Variants in PARD3B observed in about 807,000 individuals in gnomAD.
PARD3B encodes the protein par-3 family cell polarity regulator beta, also known as partitioning defective 3 homolog B.
Under a neutral mutation model 130.2 loss-of-function variants are expected in PARD3B, and 103 were observed. That is an observed-to-expected ratio of 0.79 (90% confidence interval 0.67 to 0.93). PARD3B has a LOEUF of 0.93. Ranked by LOEUF, PARD3B falls within the 40% of genes least tolerant of loss-of-function variation. PARD3B has a pLI of 0.00. For missense variants in PARD3B, 1,609 were observed against 1,499.2 expected, an observed-to-expected ratio of 1.07 and a Z score of -1.21; for synonymous variants, 583 against 553.2, an observed-to-expected ratio of 1.05 and a Z score of -0.76.
In PARD3B at chr2:205,121,847, G is replaced by A. The variant is rs1220212178; in HGVS notation, c.1063G>A (p.Val355Ile). 1.2e-6 allele frequency: 2 copies of A among 1,614,114 alleles called. No homozygotes were observed. The highest frequency in any genetic ancestry group is 1.3e-5 in the African/African-American group (1 of 75,024). Residue 355 changes from valine to isoleucine, a missense_variant, in exon 8 of 23, where the codon GTA becomes ATA. By Grantham distance (29) the Val-to-Ile change is conservative. Transcript: ENST00000406610. This position sits in a 1 kb window ranked among gnomAD's most constrained non-coding sequence, Gnocchi z 5.0. ...CCTGCAACAAAACAAGAGTCCCCGAGTACCAAGGCTGGGAGGAAAACCATC... is the reference window on the plus strand; with the variant it reads ...CCTGCAACAAAACAAGAGTCCCCGAATACCAAGGCTGGGAGGAAAACCATC... ...ASLQQNKSPR[V>I]PRLGGKPSSP...
At chr2:205,427,793 G>T (rs1193085427) in intron 19 of PARD3B, among the ~76,000 whole-genome samples, 1 of 152,090 alleles carries the variant, frequency 6.6e-6, no homozygotes. Flanking sequence ...GAAACAAATT[G>T]GTTGCATAGC....
At chr2:205,099,478 A>G (rs1702605556) in intron 4 of PARD3B, among the ~76,000 whole-genome samples, 1 of 152,168 alleles carries the variant, frequency 6.6e-6, no homozygotes, top group South Asian at 2.1e-4. Flanking sequence ...GGAAAACTAT[A>G]TTTTCATTTT....
chr2:204,701,774 A>G (rs1430184243), intron 2 of PARD3B, among the ~76,000 whole-genome samples: 3 of 151,896 alleles, frequency 2.0e-5, no homozygotes, highest in African/African-American at 7.3e-5. Context: ...CAGGGGGTAC[A>G]TGTACGGGTT....
chr2:204,921,022 A>G (rs1216313755), intron 2 of PARD3B, among the ~76,000 whole-genome samples: 1 of 152,222 alleles, frequency 6.6e-6, no homozygotes, highest in Non-Finnish European at 1.5e-5. Flanking sequence ...TTGAAATGCA[A>G]AAATGATGCT....
Position 205,072,116 on chromosome 2 carries a change from G to A in PARD3B, c.504+24426G>A, listed in dbSNP as rs761873599. Reference sequence around the variant, plus strand: ...GTAAAGAAATAAGATATAGTTTGACGATGGTATTCCTGTCATTAATAAATC... The same window carrying A: ...GTAAAGAAATAAGATATAGTTTGACAATGGTATTCCTGTCATTAATAAATC... On this transcript the variant is annotated intron_variant, in intron 4 of 22. Transcript: ENST00000406610. Among the ~76,000 whole-genome samples, 27 of 151,994 alleles carry A rather than the reference G, an allele frequency of 1.8e-4. 1 individual carries two copies. The highest frequency in any genetic ancestry group is 4.1e-4 in the South Asian group (2 of 4,826).
In PARD3B at chr2:205,121,662, G is replaced by A. The variant is rs747823104; in HGVS notation, c.878G>A (p.Arg293His). ...VLLHVLPPQN[R>H]EQYEKSVIGS... ...CTCCACGTGCTTCCTCCACAAAACC[G>A]TGAACAGTATGAAAAGTCAGTCATT... The change falls in exon 8 of 23, where the codon CGT becomes CAT. Residue 293 changes from arginine to histidine, a missense_variant. Transcript: ENST00000406610. This position sits in a 1 kb window ranked among gnomAD's most constrained non-coding sequence, Gnocchi z 5.0. 2.9e-5 allele frequency: 47 copies of A among 1,613,970 alleles called. No homozygotes were observed. Among genetic ancestry groups the A allele is most frequent in the African/African-American group, 5.3e-5 (4 of 74,870 alleles).
At chr2:205,198,735 A>G (rs950280271) in intron 15 of PARD3B, among the ~76,000 whole-genome samples, 1 of 152,124 alleles carries the variant, frequency 6.6e-6, no homozygotes, top group Non-Finnish European at 1.5e-5. Context: ...TTTTAAGATT[A>G]TATTCATATA....
chr2:204,550,224 C>G (rs948852757), intron 1 of PARD3B, among the ~76,000 whole-genome samples: 1 of 152,210 alleles, frequency 6.6e-6, no homozygotes, highest in Non-Finnish European at 1.5e-5. Flanking sequence ...TAAGTCATCT[C>G]TAGATTATTT....
intron 16 of PARD3B, among the ~76,000 whole-genome samples, chr2:205,261,150 A>G (rs2040292957): frequency 6.6e-6 from 1 of 152,062 alleles, no homozygotes; most frequent in African/African-American, 2.4e-5. Flanking sequence ...TCCAAGATCT[A>G]TTTGTGGCAT....
rs528085472 is a variant in PARD3B at position 205,437,477 on chromosome 2, T to C, written c.2742-2893T>C. Among the ~76,000 whole-genome samples, 150 of 152,304 alleles carry C rather than the reference T, an allele frequency of 9.8e-4. 2 individuals are homozygous for C. The highest frequency in any genetic ancestry group is 3.4e-3 in the Middle Eastern group (1 of 294). ...AATAGAACGCTCTGCAATGATGGAATTAGTCTCTATTTGTGTTGTCCAATA... is the reference window on the plus strand; with the variant it reads ...AATAGAACGCTCTGCAATGATGGAACTAGTCTCTATTTGTGTTGTCCAATA... On this transcript the variant is annotated intron_variant, in intron 19 of 22. Coordinates refer to ENST00000406610, the MANE Select transcript of PARD3B (RefSeq NM_001302769.2).
At position 204,732,420 on chromosome 2, in the gene PARD3B, A is replaced by G. The variant is rs558127966; in HGVS notation, c.222+46138A>G. Among the ~76,000 whole-genome samples, 79 of 152,278 alleles carry G rather than the reference A, an allele frequency of 5.2e-4. No individual in the cohort carries two copies. The Middle Eastern group carries it at 0.014, about 26-fold the overall frequency. Reference sequence around the variant, plus strand: ...TTGATATTCCAGTGCTGGATGGGAAACCACTGATAGAACATTAATTTCTTA... The same window carrying G: ...TTGATATTCCAGTGCTGGATGGGAAGCCACTGATAGAACATTAATTTCTTA... On this transcript the variant is annotated intron_variant, in intron 2 of 22. Coordinates refer to ENST00000406610, the MANE Select transcript of PARD3B (RefSeq NM_001302769.2).
At chr2:205,513,423 C>T (rs925910350) in intron 21 of PARD3B, among the ~76,000 whole-genome samples, 4 of 151,752 alleles carry the variant, frequency 2.6e-5, no homozygotes, top group Non-Finnish European at 4.4e-5. Flanking sequence ...CAGGAAAGAA[C>T]TGACATTTTT....
At chr2:205,472,887 AAGGAACAGAACAATG>A (rs2048887614) in intron 20 of PARD3B, among the ~76,000 whole-genome samples, 1 of 152,278 alleles carries the variant, frequency 6.6e-6, no homozygotes, top group Admixed American at 6.5e-5. Context: ...AACAGACAGA[AAGGAACAGAACAATG>A]AGTAGTCACT....
chr2:205,523,194 A>G (rs1575244014), intron 21 of PARD3B, among the ~76,000 whole-genome samples: 1 of 139,552 alleles, frequency 7.2e-6, no homozygotes, highest in East Asian at 2.1e-4. Flanking sequence ...CTGTTTTCTT[A>G]CCCCCGTGTA....
At chr2:205,297,751 A>G (rs1049757071) in intron 16 of PARD3B, among the ~76,000 whole-genome samples, 5 of 152,278 alleles carry the variant, frequency 3.3e-5, no homozygotes, top group African/African-American at 1.2e-4. Context: ...CCAATCCTGA[A>G]AACTCCAGAG....
intron 16 of PARD3B, among the ~76,000 whole-genome samples, chr2:205,261,733 G>T (rs915074379): frequency 2.6e-4 from 40 of 152,122 alleles, no homozygotes; most frequent in African/African-American, 9.4e-4. Flanking sequence ...ATTGTTATTG[G>T]AAGAAATAAA....
chr2:205,515,221 C>T (rs6718983), intron 21 of PARD3B, among the ~76,000 whole-genome samples: 67,659 of 151,990 alleles, frequency 0.45, 16,772 homozygotes, highest in Middle Eastern at 0.66. Context: ...ATATGTGCCA[C>T]GTTATCTTTA....
chr2:205,315,136 A>G (rs55850246), intron 18 of PARD3B, among the ~76,000 whole-genome samples: 85,293 of 151,970 alleles, frequency 0.56, 27,672 homozygotes, highest in South Asian at 0.75. Flanking sequence ...GTTATTAGAT[A>G]TTTAATGAAT....
chr2:205,096,671 G>C (rs1702418551), intron 4 of PARD3B, among the ~76,000 whole-genome samples: 1 of 152,150 alleles, frequency 6.6e-6, no homozygotes, highest in Non-Finnish European at 1.5e-5. Context: ...GTGTGTTTGT[G>C]AATGTGCATG....
Sources: gnomAD v4.1 joint callset for allele counts (sites outside exome capture counted in the v4.1 genomes callset) on GRCh38, gnomAD v4.1.1 for gene constraint, Gnocchi (gnomAD v3.1) non-coding constraint, MANE v1.5 for transcripts, NCBI Gene and HGNC (gene_info 2026-07-23, HGNC 2026-07-21) for gene names.